TENM3: variants seen among roughly 807,000 people sequenced by gnomAD.
TENM3 encodes the protein teneurin-3.
In TENM3, 63 loss-of-function variants were observed where a neutral mutation model predicts 255.1. The observed-to-expected ratio is 0.25, with a 90% confidence interval of 0.20 to 0.30. The LOEUF is 0.30. Among genes scored for constraint, TENM3 ranks in the 10% least tolerant of loss-of-function variants. The pLI, the probability that TENM3 is intolerant of heterozygous loss-of-function variation, is 1.00. For missense variants in TENM3, 2,929 were observed against 3,461.1 expected (o/e 0.85, Z 3.86); for synonymous variants, 1,306 against 1,322.3 (o/e 0.99, Z 0.27).
the TENM3 span, among the ~76,000 whole-genome samples, chr4:182,111,189 C>CTTTTTTTT: frequency 7.2e-4 from 58 of 80,492 alleles, no homozygotes; most frequent in East Asian, 2.9e-3. Context: ...GTCTTCTTCT[C>CTTTTTTTT]TTTTTTTTTT....
chr4:182,632,670 C>G (rs1751484196), intron 5 of TENM3, among the ~76,000 whole-genome samples: 2 of 152,044 alleles, frequency 1.3e-5, no homozygotes, highest in Non-Finnish European at 2.9e-5. Context: ...ATGTACTTCT[C>G]CAATTTATTA....
intron 3 of TENM3, among the ~76,000 whole-genome samples, chr4:182,520,556 G>A (rs528062532): frequency 1.8e-4 from 27 of 152,268 alleles, no homozygotes; most frequent in African/African-American, 5.3e-4. Context: ...TTTTCAAAAA[G>A]CAGATACAAA....
chr4:181,984,608 A>G, the TENM3 span, among the ~76,000 whole-genome samples: 1 of 152,052 alleles, frequency 6.6e-6, no homozygotes, highest in Non-Finnish European at 1.5e-5. Context: ...TATAAACCTT[A>G]TATTATTTGC....
chr4:182,387,277 G>A (rs1056184773), intron 3 of TENM3, among the ~76,000 whole-genome samples: 13 of 152,302 alleles, frequency 8.5e-5, no homozygotes, highest in Admixed American at 8.5e-4. Context: ...TGCACCAATC[G>A]ACACTCTGTA....
At chr4:181,880,643 A>G in the TENM3 span, among the ~76,000 whole-genome samples, 1 of 152,328 alleles carries the variant, frequency 6.6e-6, no homozygotes, top group African/African-American at 2.4e-5. Context: ...ATTGTCAACA[A>G]CTACAATAGT....
chr4:181,941,386 T>G, the TENM3 span, among the ~76,000 whole-genome samples: 8 of 152,206 alleles, frequency 5.3e-5, no homozygotes, highest in Admixed American at 5.2e-4. Flanking sequence ...GCATTCTGGA[T>G]GACTTCCTTA....
At chr4:181,594,822 C>A in the TENM3 span, among the ~76,000 whole-genome samples, 1 of 152,082 alleles carries the variant, frequency 6.6e-6, no homozygotes, top group Non-Finnish European at 1.5e-5. Flanking sequence ...TCCCCAACAC[C>A]CACACACATC....
intron 1 of TENM3, among the ~76,000 whole-genome samples, chr4:182,286,116 A>G (rs1360856008): frequency 1.3e-5 from 2 of 152,116 alleles, no homozygotes; most frequent in Admixed American, 6.5e-5. Context: ...TGCTTCTGGG[A>G]TCCCCTAAAC....
rs564777510 is a variant in TENM3, at chr4:182,373,084, C to A, written c.511+26155C>A. On this transcript the variant is annotated intron_variant, in intron 3 of 27. Coordinates refer to ENST00000511685, the MANE Select transcript of TENM3 (RefSeq NM_001080477.4). ...AGATATTATTTTCTAATTTGAGTGT[C>A]CTGGCAATGGTATATACCTGTCACC... Among the ~76,000 whole-genome samples the A allele has an allele frequency of 3.9e-5, 6 of 152,242 alleles. No homozygotes were observed. In the South Asian group the frequency reaches 1.2e-3, roughly 32 times the overall value.
At chr4:182,334,867 A>G (rs1305287181) in intron 2 of TENM3, among the ~76,000 whole-genome samples, 1 of 152,186 alleles carries the variant, frequency 6.6e-6, no homozygotes, top group East Asian at 1.9e-4. Flanking sequence ...TAAGATAGGA[A>G]TGACTTGAGC....
the TENM3 span, among the ~76,000 whole-genome samples, chr4:181,825,780 C>T: frequency 4.6e-5 from 7 of 152,290 alleles, no homozygotes; most frequent in South Asian, 1.5e-3. Flanking sequence ...TGCCTTAGAA[C>T]TGGATGAATA....
the TENM3 span, among the ~76,000 whole-genome samples, chr4:181,826,607 C>T: frequency 6.6e-6 from 1 of 152,196 alleles, no homozygotes; most frequent in East Asian, 1.9e-4. Flanking sequence ...CTCATTACTA[C>T]ATTCCCAGAG....
At chr4:182,783,046 T>G (rs1169582627) in intron 24 of TENM3, among the ~76,000 whole-genome samples, 1 of 149,124 alleles carries the variant, frequency 6.7e-6, no homozygotes, top group Non-Finnish European at 1.5e-5. Context: ...GAGCATTTAG[T>G]CCATTTACAT....
chr4:182,451,861 C>T (rs1160945569), intron 3 of TENM3, among the ~76,000 whole-genome samples: 1 of 152,084 alleles, frequency 6.6e-6, no homozygotes, highest in African/African-American at 2.4e-5. Context: ...TAATTTATTT[C>T]GTTTGGTAGG....
the TENM3 span, among the ~76,000 whole-genome samples, chr4:181,888,492 G>A: frequency 6.3e-5 from 1 of 15,802 alleles, no homozygotes; most frequent in Non-Finnish European, 1.3e-4. Flanking sequence ...CAATAGAAAT[G>A]TGTATATATA....
chr4:182,592,956 G>A lies in TENM3; in HGVS notation c.512-7968G>A, dbSNP rs527344201. On this transcript the variant is annotated intron_variant, in intron 3 of 27. Transcript: ENST00000511685. ...TATGTTTGGCTTCTTTTAAATGTTC[G>A]TCAAGTTCAACAATTGAAAAGGAAC... Among the ~76,000 whole-genome samples the A allele has an allele frequency of 1.2e-4, 18 of 152,218 alleles. No individual in the cohort carries two copies. The East Asian group carries it at 2.7e-3, about 23-fold the overall frequency.
chr4:182,102,015 G>A, the TENM3 span, among the ~76,000 whole-genome samples: 1 of 152,176 alleles, frequency 6.6e-6, no homozygotes, highest in African/African-American at 2.4e-5. Context: ...GAGAGCCGGG[G>A]CTGAGGCTGC....
At chr4:181,970,590 TGTGATC>T in the TENM3 span, among the ~76,000 whole-genome samples, 1 of 152,232 alleles carries the variant, frequency 6.6e-6, no homozygotes, top group African/African-American at 2.4e-5. Flanking sequence ...ACCTCCTTTA[TGTGATC>T]GTATGATATA....
intron 2 of TENM3, among the ~76,000 whole-genome samples, chr4:182,332,729 A>T (rs763376565): frequency 6.6e-6 from 1 of 151,956 alleles, no homozygotes; most frequent in Non-Finnish European, 1.5e-5. Context: ...AAAGACAAGA[A>T]ATGAGTAGAG....
Sources: allele counts gnomAD v4.1 joint callset (sites outside exome capture counted in the v4.1 genomes callset), GRCh38; gene constraint gnomAD v4.1.1; transcripts MANE v1.5; gene names NCBI Gene and HGNC (gene_info 2026-07-23, HGNC 2026-07-21).